Variants in SNCAIP observed in about 807,000 individuals in gnomAD.
SNCAIP encodes the protein synphilin-1.
Under a neutral mutation model 86.7 loss-of-function variants are expected in SNCAIP, and 43 were observed. That is an observed-to-expected ratio of 0.50 (90% CI 0.39 to 0.64). SNCAIP has a LOEUF of 0.64. SNCAIP is among the 30% of genes least tolerant of loss of function. The probability of loss-of-function intolerance (pLI) is 0.00; values close to 1 mark genes in which losing one functional copy is unlikely to be tolerated. For missense variants in SNCAIP, 981 were observed against 1,103.1 expected, an observed-to-expected ratio of 0.89 and a Z score of 1.57; for synonymous variants, 417 against 427.2, an observed-to-expected ratio of 0.98 and a Z score of 0.29.
At chr5:122,458,640 G>A (rs1363027411) in intron 10 of SNCAIP, among the ~76,000 whole-genome samples, 1 of 152,260 alleles carries the variant, frequency 6.6e-6, no homozygotes, top group African/African-American at 2.4e-5. Flanking sequence ...TCGTTCCCAC[G>A]CTGAGGACAG....
chr5:122,318,221 T>C (rs1365222516), intron 1 of SNCAIP, among the ~76,000 whole-genome samples: 1 of 152,196 alleles, frequency 6.6e-6, no homozygotes, highest in Non-Finnish European at 1.5e-5. Flanking sequence ...CATGTGCTTT[T>C]ACATGGGCTG....
At chr5:122,404,682 C>A (rs1295302818) in intron 3 of SNCAIP, among the ~76,000 whole-genome samples, 1 of 152,146 alleles carries the variant, frequency 6.6e-6, no homozygotes, top group African/African-American at 2.4e-5. Flanking sequence ...TCCTGAGAAC[C>A]AGATAATCCT....
intron 2 of SNCAIP, among the ~76,000 whole-genome samples, chr5:122,395,066 C>G (rs1346464904): frequency 6.6e-6 from 1 of 152,132 alleles, no homozygotes; most frequent in African/African-American, 2.4e-5. Context: ...TCATCACTAT[C>G]CCTGATTGGC....
rs1251036744 is a variant in SNCAIP, at chr5:122,348,298, A to G, written c.-47+36014A>G. 2.0e-5 allele frequency among the ~76,000 whole-genome samples: 3 copies of G among 152,174 alleles called. No homozygotes were observed. In the East Asian group the frequency reaches 5.8e-4, roughly 29 times the overall value. On this transcript the variant is annotated intron_variant, in intron 1 of 10. Coordinates refer to ENST00000261368, the MANE Select transcript of SNCAIP (RefSeq NM_005460.4). ...CATTAAAGGAAAAAAGACATATAAA[A>G]TAGCTTTCACTGTGTGGAATTATGG... is the stretch of plus-strand genomic sequence containing the variant.
Position 122,391,177 on chromosome 5 carries a change from A to G in SNCAIP, c.43A>G (p.Ser15Gly), listed in dbSNP as rs779516156. Residue 15 changes from serine to glycine, a missense_variant, in exon 2 of 11, where the codon AGT becomes GGT. Transcript: ENST00000261368. ...EYLDLDEIDF[S>G]DDISYSVTSL... ...CCTTGATTTGGATGAAATTGACTTT[A>G]GTGATGACATATCTGTAAGTACCAC... 1.2e-6 allele frequency: 2 copies of G among 1,609,282 alleles called. No homozygotes were observed. The highest frequency in any genetic ancestry group is 2.2e-5 in the South Asian group (2 of 90,996).
chr5:122,351,669 C>G (rs1759885251), intron 1 of SNCAIP, among the ~76,000 whole-genome samples: 1 of 150,626 alleles, frequency 6.6e-6, no homozygotes, highest in African/African-American at 2.4e-5. Context: ...AGGACCCAGA[C>G]AAGCCTGAAC....
chr5:122,330,386 G>T (rs929265514), intron 1 of SNCAIP, among the ~76,000 whole-genome samples: 1 of 152,076 alleles, frequency 6.6e-6, no homozygotes, highest in Non-Finnish European at 1.5e-5. Flanking sequence ...CTCCCAAAGT[G>T]CTGGGATTAC....
At chr5:122,388,052 G>C (rs996517544) in intron 1 of SNCAIP, among the ~76,000 whole-genome samples, 6 of 152,192 alleles carry the variant, frequency 3.9e-5, no homozygotes, top group Admixed American at 3.9e-4. Flanking sequence ...CCCAAGGCAT[G>C]TTGGTGAGTA....
In SNCAIP at chr5:122,448,729, A is replaced by T. The variant is rs539303060; in HGVS notation, c.1593-1116A>T. Reference sequence around the variant, plus strand: ...TACATATATATAATATATATGTTTTATATATATATATACACACACACACAT... The same window carrying T: ...TACATATATATAATATATATGTTTTTTATATATATATACACACACACACAT... On this transcript the variant is annotated intron_variant, in intron 8 of 10. Coordinates refer to ENST00000261368, the MANE Select transcript of SNCAIP (RefSeq NM_005460.4). Among the ~76,000 whole-genome samples the T allele has an allele frequency of 1.6e-3, 230 of 140,292 alleles. 1 individual carries two copies. Among genetic ancestry groups the T allele is most frequent in the African/African-American group, 5.2e-3 (199 of 38,292 alleles). The allele number at this position is 140,292 out of a possible 152,430, so 92.0% of individuals were successfully genotyped here.
chr5:122,383,047 C>T (rs1014138816), intron 1 of SNCAIP, among the ~76,000 whole-genome samples: 2 of 152,224 alleles, frequency 1.3e-5, no homozygotes, highest in African/African-American at 4.8e-5. Context: ...AGGCAGGCCT[C>T]CTTGAGCTGT....
intron 1 of SNCAIP, among the ~76,000 whole-genome samples, chr5:122,358,203 G>GTATA (rs1214552209): frequency 0.055 from 7,089 of 130,046 alleles, 266 homozygotes; most frequent in East Asian, 0.11. Flanking sequence ...GTGTGTGTGT[G>GTATA]TATATATATA....
At chr5:122,364,886 A>G (rs796266580) in intron 1 of SNCAIP, among the ~76,000 whole-genome samples, 3 of 152,336 alleles carry the variant, frequency 2.0e-5, no homozygotes, top group African/African-American at 7.2e-5. Context: ...TTGTAGACCT[A>G]TACAATTGTG....
At chr5:122,325,800 G>C (rs1753893216) in intron 1 of SNCAIP, among the ~76,000 whole-genome samples, 1 of 151,940 alleles carries the variant, frequency 6.6e-6, no homozygotes, top group Non-Finnish European at 1.5e-5. Flanking sequence ...TTTTTTTTGA[G>C]TGAGAAGAAA....
intron 3 of SNCAIP, 89 bp from the exon 4 acceptor site, chr5:122,422,779 T>C (rs969439452): frequency 7.5e-6 from 8 of 1,069,302 alleles, no homozygotes; most frequent in Non-Finnish European, 1.2e-5. Flanking sequence ...AATTTGAACA[T>C]AATGTGAATG....
At chr5:122,395,080 G>T (rs572059331) in intron 2 of SNCAIP, among the ~76,000 whole-genome samples, 7 of 152,252 alleles carry the variant, frequency 4.6e-5, no homozygotes, top group African/African-American at 1.7e-4. Flanking sequence ...GATTGGCACT[G>T]TAGTGATTAC....
intron 1 of SNCAIP, among the ~76,000 whole-genome samples, chr5:122,378,924 G>C: frequency 7.0e-6 from 1 of 143,722 alleles, no homozygotes; most frequent in East Asian, 2.1e-4. Context: ...CCAGTACCAT[G>C]CTGTTTTGGT....
In SNCAIP at chr5:122,463,605, C is replaced by G. The variant is rs1787023139; in HGVS notation, c.*109C>G. 1 of 1,241,430 alleles carries G rather than the reference C, an allele frequency of 8.1e-7. No individual in the cohort carries two copies. Among genetic ancestry groups the G allele is most frequent in the South Asian group, 1.3e-5 (1 of 78,872 alleles). 76.9% of individuals were successfully genotyped at this position (1,241,430 alleles called of 1,614,324 possible). A position where few individuals can be genotyped will look rare whatever the true frequency, so the allele number is the denominator to read the frequency against. ...CTTTTTAAATTTTCTCTCACTGATG[C>G]CCTTTGGAAATTATTGGAAATTTCT... On this transcript the variant is annotated 3_prime_UTR_variant, in exon 11 of 11. Coordinates refer to ENST00000261368, the MANE Select transcript of SNCAIP (RefSeq NM_005460.4).
At chr5:122,373,274 T>A (rs967489161) in intron 1 of SNCAIP, among the ~76,000 whole-genome samples, 1 of 152,150 alleles carries the variant, frequency 6.6e-6, no homozygotes, top group African/African-American at 2.4e-5. Context: ...TCCCTGGAGA[T>A]GACAAAATAG....
At chr5:122,338,930 A>C (rs1757025807) in intron 1 of SNCAIP, among the ~76,000 whole-genome samples, 1 of 152,176 alleles carries the variant, frequency 6.6e-6, no homozygotes, top group African/African-American at 2.4e-5. Flanking sequence ...TATTAGTACA[A>C]GGAGCTCTCC....
Sources: allele counts gnomAD v4.1 joint callset (sites outside exome capture counted in the v4.1 genomes callset), GRCh38; gene constraint gnomAD v4.1.1; transcripts MANE v1.5; gene names NCBI Gene and HGNC (gene_info 2026-07-23, HGNC 2026-07-21).